Variants in PAFAH2 observed in about 807,000 individuals in gnomAD.
PAFAH2 encodes the protein platelet activating factor acetylhydrolase 2, also known as platelet-activating factor acetylhydrolase 2, cytoplasmic.
In PAFAH2, 42 loss-of-function variants were observed where a neutral mutation model predicts 49.0. That is an observed-to-expected ratio of 0.86 (90% CI 0.67 to 1.11). PAFAH2 has a LOEUF of 1.11. Ranked by LOEUF, PAFAH2 falls within the 50% of genes least tolerant of loss-of-function variation. The pLI, the probability that PAFAH2 is intolerant of heterozygous loss-of-function variation, is 0.00. For synonymous variants in PAFAH2, 184 were observed against 181.3 expected (o/e 1.01, Z -0.12); for missense variants, 503 against 501.8 (o/e 1.00, Z -0.02).
At chr1:25,996,404 C>G (rs775325820) in intron 1 of PAFAH2, among the ~76,000 whole-genome samples, 6 of 151,634 alleles carry the variant, frequency 4.0e-5, no homozygotes, top group Non-Finnish European at 8.8e-5. Context: ...CGGTGGGAGG[C>G]CGAGGCGGGC....
At chr1:25,981,976 G>T (rs923746750) in intron 7 of PAFAH2, among the ~76,000 whole-genome samples, 1 of 151,506 alleles carries the variant, frequency 6.6e-6, no homozygotes, top group African/African-American at 2.4e-5. Flanking sequence ...AGCCAAGATT[G>T]TGCCATTGCA....
At chr1:25,976,063 T>C (rs1306656724) in intron 8 of PAFAH2, among the ~76,000 whole-genome samples, 3 of 152,186 alleles carry the variant, frequency 2.0e-5, no homozygotes, top group Non-Finnish European at 4.4e-5. Context: ...TGGAAAGATC[T>C]TCCTCTAGAT....
Position 25,962,044 on chromosome 1 carries a change from T to C in PAFAH2, c.1124A>G (p.Glu375Gly). The C allele has an allele frequency of 6.2e-7, 1 of 1,613,918 alleles. No individual in the cohort carries two copies. The highest frequency in any genetic ancestry group is 8.5e-7 in the Non-Finnish European group (1 of 1,179,950). The part of the protein sequence containing the change: ...EDYNQWNNLI[E>G]GIGPSLTPGA... ...TGGGGTGAGCGACGGTCCAATGCCT[T>C]CAATAAGGTTGTTCCATTGATTATA... Residue 375 changes from glutamate to glycine, a missense_variant, in exon 11 of 11, where the codon GAA becomes GGA. Glu to Gly is a moderately conservative substitution (Grantham distance 98, BLOSUM62 -2). Coordinates refer to ENST00000374282, the MANE Select transcript of PAFAH2 (RefSeq NM_000437.4).
At position 25,989,454 on chromosome 1, in the gene PAFAH2, C is replaced by G; in HGVS notation, c.238G>C (p.Ala80Pro). 4 of 1,596,612 alleles carry G rather than the reference C, an allele frequency of 2.5e-6. No individual in the cohort carries two copies. The highest frequency in any genetic ancestry group is 3.4e-6 in the Non-Finnish European group (4 of 1,171,242). The change falls in exon 3 of 11, where the codon GCG (alanine) becomes CCG (proline). Residue 80 changes from alanine (A) to proline (P), a missense_variant. Transcript: ENST00000374282. The part of the protein sequence containing the change: ...KRCGGLLFNL[A>P]VGSCRLPVSW... ...AGGTCAGGCCAGCCCTTACCCACCG[C>G]CAGGTTGAACAGCAAGCCCCCGCAG...
Position 25,989,607 on chromosome 1 carries a change from G to A in PAFAH2, c.91-6C>T, listed in dbSNP as rs2049844772. ...AAGAGTCGAAAGAAGCTCCCCTGTA[G>A]GAAAGAAGAGAGCAGCTGCTCAGAG... On this transcript the variant is annotated splice_region_variant and splice_polypyrimidine_tract_variant and intron_variant, in intron 2 of 10. Transcript: ENST00000374282. 1.9e-6 allele frequency: 3 copies of A among 1,552,684 alleles called. No homozygotes were observed. Among genetic ancestry groups the A allele is most frequent in the Non-Finnish European group, 1.7e-6 (2 of 1,149,928 alleles).
rs2049704316 is a variant in PAFAH2, at chr1:25,982,423, T to A, written c.607A>T (p.Thr203Ser). The stretch of plus-strand genomic sequence containing the variant: ...ATGTTGAAGACAGTCTGCCCAGCAG[T>A]GACCTCTTGCAGGATCTTCAACACC... ...LRVLKILQEV[T>S]AGQTVFNILP... Residue 203 changes from threonine (T) to serine (S), a missense_variant, in exon 7 of 11, where the codon ACT becomes TCT. Thr to Ser is a moderately conservative substitution (Grantham distance 58). Coordinates refer to ENST00000374282, the MANE Select transcript of PAFAH2 (RefSeq NM_000437.4). 1 of 1,614,032 alleles carries A rather than the reference T, an allele frequency of 6.2e-7. No individual in the cohort carries two copies. The highest frequency in any genetic ancestry group is 1.3e-5 in the African/African-American group (1 of 74,924).
chr1:25,976,664 C>T lies in PAFAH2; in HGVS notation c.758+18G>A. 1 of 1,582,714 alleles carries T rather than the reference C, an allele frequency of 6.3e-7. No homozygotes were observed. The highest frequency in any genetic ancestry group is 8.7e-7 in the Non-Finnish European group (1 of 1,151,324). ...CGGTGTATGGAGCTAAGCACAGCAA[C>T]ACTACTAGGAAACTCACCGAAATTG... On this transcript the variant is annotated intron_variant, in intron 8 of 10. Transcript: ENST00000374282.
At chr1:25,977,577 C>A (rs2124340507) in intron 7 of PAFAH2, among the ~76,000 whole-genome samples, 1 of 150,300 alleles carries the variant, frequency 6.7e-6, no homozygotes, top group Admixed American at 6.6e-5. Context: ...ATCGCTTGAG[C>A]TCAGGAGGTT....
At chr1:25,981,876 C>T (rs1029508846) in intron 7 of PAFAH2, among the ~76,000 whole-genome samples, 2 of 152,078 alleles carry the variant, frequency 1.3e-5, no homozygotes, top group African/African-American at 2.4e-5. Flanking sequence ...CAAAAATTAG[C>T]CAGGCACAGT....
At chr1:25,996,309 G>C (rs1332025857) in intron 1 of PAFAH2, among the ~76,000 whole-genome samples, 2 of 152,202 alleles carry the variant, frequency 1.3e-5, no homozygotes, top group Non-Finnish European at 2.9e-5. Context: ...AGGCCACAGT[G>C]AACCAAGATT....
intron 1 of PAFAH2, among the ~76,000 whole-genome samples, chr1:25,994,307 T>C (rs1467564763): frequency 2.6e-5 from 4 of 152,040 alleles, no homozygotes; most frequent in Non-Finnish European, 4.4e-5. Context: ...TTTTTGTATT[T>C]ATTTGTAGAG....
intron 1 of PAFAH2, among the ~76,000 whole-genome samples, chr1:25,991,383 G>A (rs1454976794): frequency 6.6e-6 from 1 of 151,948 alleles, no homozygotes; most frequent in African/African-American, 2.4e-5. Context: ...TGGTTCAAGC[G>A]ATTCTCCTGC....
chr1:25,995,954 G>A (rs1253229347), intron 1 of PAFAH2, among the ~76,000 whole-genome samples: 1 of 152,142 alleles, frequency 6.6e-6, no homozygotes, highest in Non-Finnish European at 1.5e-5. Flanking sequence ...AATAATGGGG[G>A]ACAAAGGTTT....
intron 10 of PAFAH2, among the ~76,000 whole-genome samples, chr1:25,963,866 C>A (rs1434087925): frequency 5.9e-5 from 9 of 152,124 alleles, no homozygotes; most frequent in Non-Finnish European, 1.5e-5. Context: ...TGAGGCCAGG[C>A]TTGAAGGAAG....
chr1:25,981,153 T>A (rs2049682563), intron 7 of PAFAH2, among the ~76,000 whole-genome samples: 1 of 152,032 alleles, frequency 6.6e-6, no homozygotes, highest in African/African-American at 2.4e-5. Context: ...AAGAAGATAC[T>A]CATACTGTCT....
At chr1:25,963,126 C>T (rs2049364706) in intron 10 of PAFAH2, among the ~76,000 whole-genome samples, 1 of 152,160 alleles carries the variant, frequency 6.6e-6, no homozygotes, top group Non-Finnish European at 1.5e-5. Context: ...TTCCTCAAAA[C>T]AAACAGACTC....
intron 10 of PAFAH2, among the ~76,000 whole-genome samples, chr1:25,967,903 C>T (rs150185057): frequency 1.1e-3 from 166 of 152,128 alleles, no homozygotes; most frequent in African/African-American, 3.8e-3. Context: ...TGGTAGCTCA[C>T]GCCTGTAATC....
At chr1:25,964,505 A>C (rs1242684033) in intron 10 of PAFAH2, among the ~76,000 whole-genome samples, 1 of 152,204 alleles carries the variant, frequency 6.6e-6, no homozygotes. Context: ...CAGGAGTTTG[A>C]GACCAGCCCA....
At chr1:25,991,564 G>A (rs1224707604) in intron 1 of PAFAH2, among the ~76,000 whole-genome samples, 1 of 148,326 alleles carries the variant, frequency 6.7e-6, no homozygotes, top group African/African-American at 2.5e-5. Flanking sequence ...TTACAGGCGT[G>A]AGCCACCGCG....
Sources: allele counts gnomAD v4.1 joint callset (sites outside exome capture counted in the v4.1 genomes callset), GRCh38; gene constraint gnomAD v4.1.1; transcripts MANE v1.5; gene names NCBI Gene and HGNC (gene_info 2026-07-23, HGNC 2026-07-21).